MYO7A: variants seen among roughly 807,000 people sequenced by gnomAD.
MYO7A encodes the protein myosin VIIA, also known as unconventional myosin-VIIa.
A neutral mutation model predicts 263.8 loss-of-function variants in MYO7A; 210 were observed. That is an observed-to-expected ratio of 0.80 (90% CI 0.71 to 0.89). The LOEUF (loss-of-function observed/expected upper bound fraction) is 0.89. Among genes scored for constraint, MYO7A ranks in the 40% least tolerant of loss-of-function variants. The probability of loss-of-function intolerance (pLI) is 0.00; values close to 1 mark genes in which losing one functional copy is unlikely to be tolerated. For synonymous variants in MYO7A, 1,239 were observed against 1,197.3 expected (o/e 1.03, Z -0.72); for missense variants, 2,820 against 2,968.3 (o/e 0.95, Z 1.16).
intron 31 of MYO7A, among the ~76,000 whole-genome samples, chr11:77,193,058 G>C (rs1479291498): frequency 8.1e-6 from 1 of 123,514 alleles, no homozygotes; most frequent in Non-Finnish European, 1.9e-5. Flanking sequence ...GGTGGTGATG[G>C]TGTTGGTGAT....
rs897465470 is a variant in MYO7A, at chr11:77,207,459, A to T, written c.5856+57A>T. 9 of 1,235,478 alleles carry T rather than the reference A, an allele frequency of 7.3e-6. No individual in the cohort carries two copies. The African/African-American group carries it at 1.3e-4, about 18-fold the overall frequency. 76.5% of individuals were successfully genotyped at this position (1,235,478 alleles called of 1,614,324 possible). ...AGATTTGCTGGGGCCATAGGAACTTACGGACAGCAGACGGAAGAGAGAGGA... is the reference window on the plus strand; with the variant it reads ...AGATTTGCTGGGGCCATAGGAACTTTCGGACAGCAGACGGAAGAGAGAGGA... On this transcript the variant is annotated intron_variant, in intron 42 of 48. Transcript: ENST00000409709.
At chr11:77,146,969 C>G (rs2135695976) in intron 3 of MYO7A, among the ~76,000 whole-genome samples, 1 of 152,224 alleles carries the variant, frequency 6.6e-6, no homozygotes, top group African/African-American at 2.4e-5. Context: ...CACAAGGCAG[C>G]TGGGGAATAT....
rs781858149 is a variant in MYO7A at position 77,179,107 on chromosome 11, A to G, written c.2345A>G (p.Asn782Ser). The G allele has an allele frequency of 6.2e-7, 1 of 1,604,930 alleles. No individual in the cohort carries two copies. The highest frequency in any genetic ancestry group is 8.5e-7 in the Non-Finnish European group (1 of 1,176,104). The change falls in exon 20 of 49, where the codon AAC (asparagine) becomes AGC (serine). Residue 782 changes from asparagine to serine, a missense_variant. Transcript: ENST00000409709. ...TLIQRHWRGH[N>S]CRKNYGLMRL... Reference sequence around the variant, plus strand: ...ATCCAGAGGCACTGGCGGGGTCACAACTGTAGGAAGAACTACGGGCTGGTG... The same window carrying G: ...ATCCAGAGGCACTGGCGGGGTCACAGCTGTAGGAAGAACTACGGGCTGGTG...
chr11:77,205,433 C>T (rs911977908), intron 39 of MYO7A, 29 bp from the exon 40 acceptor site: 1 of 1,548,072 alleles, frequency 6.5e-7, no homozygotes. Flanking sequence ...GGCAGCTGCC[C>T]CTGCTGGAGC....
chr11:77,191,935 G>C, intron 30 of MYO7A, 116 bp from the exon 31 acceptor site: 1 of 886,850 alleles, frequency 1.1e-6, no homozygotes, highest in Non-Finnish European at 1.7e-6. Context: ...CCTTGGACGT[G>C]TCCCTGCCCC....
chr11:77,205,729 C>G (rs899011821), intron 40 of MYO7A, 112 bp downstream of exon 40: 1 of 1,405,612 alleles, frequency 7.1e-7, no homozygotes. Flanking sequence ...GGGCCCACCC[C>G]TGGGGTACCT....
chr11:77,165,861 T>C lies in MYO7A; in HGVS notation c.1691-195T>C, dbSNP rs12574736. ...ACAGGCCTGGAAGAGGGGAGCTGTGTCACTGGGGAGATGGCCCCTCACTTT... is the reference window on the plus strand; with the variant it reads ...ACAGGCCTGGAAGAGGGGAGCTGTGCCACTGGGGAGATGGCCCCTCACTTT... On this transcript the variant is annotated intron_variant, in intron 14 of 48. Coordinates refer to ENST00000409709, the MANE Select transcript of MYO7A (RefSeq NM_000260.4). Among the ~76,000 whole-genome samples, 9,157 of 152,048 alleles carry C rather than the reference T, an allele frequency of 0.06. 469 individuals are homozygous for C. The highest frequency in any genetic ancestry group is 0.27 in the East Asian group (1,394 of 5,106).
chr11:77,196,439 G>A (rs1440429398), intron 32 of MYO7A, among the ~76,000 whole-genome samples: 3 of 151,786 alleles, frequency 2.0e-5, no homozygotes, highest in Middle Eastern at 3.5e-3. Context: ...ACTTTAATAC[G>A]CAAATATGGT....
intron 18 of MYO7A, among the ~76,000 whole-genome samples, chr11:77,176,277 T>C (rs1367770364): frequency 1.3e-5 from 2 of 152,212 alleles, no homozygotes; most frequent in Non-Finnish European, 2.9e-5. Context: ...TTTCTCTCCT[T>C]GCACCTGCAT....
chr11:77,144,129 CCT>C (rs1467082862), intron 3 of MYO7A, among the ~76,000 whole-genome samples: 1 of 152,174 alleles, frequency 6.6e-6, no homozygotes, highest in Non-Finnish European at 1.5e-5. Context: ...ATGAGTTTCC[CCT>C]GTCAGCATTA....
intron 20 of MYO7A, 88 bp downstream of exon 20, chr11:77,179,217 C>T (rs1181271810): frequency 3.3e-6 from 4 of 1,225,134 alleles, no homozygotes; most frequent in Non-Finnish European, 3.5e-6. Flanking sequence ...TGCACCCAGG[C>T]AGCACAGCCT....
chr11:77,205,547 C>A lies in MYO7A; in HGVS notation c.5566C>A (p.Arg1856Ser). The change falls in exon 40 of 49, where the codon CGC becomes AGC. Residue 1856 changes from arginine (R) to serine (S), a missense_variant. Coordinates refer to ENST00000409709, the MANE Select transcript of MYO7A (RefSeq NM_000260.4). ...PSNILLPHVQ[R>S]FLQSRKHCPL... ...CAACATCCTCCTGCCCCACGTGCAG[C>A]GCTTCCTGCAGTCCCGAAAGCACTG... 1 of 1,611,454 alleles carries A rather than the reference C, an allele frequency of 6.2e-7. No homozygotes were observed. The highest frequency in any genetic ancestry group is 8.5e-7 in the Non-Finnish European group (1 of 1,179,092).
At chr11:77,151,895 G>A (rs1952001171) in intron 4 of MYO7A, among the ~76,000 whole-genome samples, 1 of 152,210 alleles carries the variant, frequency 6.6e-6, no homozygotes, top group Admixed American at 6.5e-5. Flanking sequence ...GGAAGCCCAG[G>A]TGGAGAGGCC....
chr11:77,180,663 A>C (rs1591375123), intron 22 of MYO7A, among the ~76,000 whole-genome samples, 182 bp downstream of exon 22: 1 of 152,204 alleles, frequency 6.6e-6, no homozygotes. Flanking sequence ...TGTGCCATGC[A>C]AAAGGATGAA....
In MYO7A at chr11:77,213,841, GC is replaced by G. The variant is rs756776411; in HGVS notation, c.6439-16del. 1 of 1,613,932 alleles carries G rather than the reference GC, an allele frequency of 6.2e-7. No individual in the cohort carries two copies. Among genetic ancestry groups the G allele is most frequent in the South Asian group, 1.1e-5 (1 of 91,090 alleles). ...CAGGGCCCAGGCCGTGCCTCTCTAT[GC>G]CCTTTCTGCTCCCCCAGGATATCCT... On this transcript the variant is annotated intron_variant, in intron 47 of 48. Transcript: ENST00000409709.
At chr11:77,165,832 T>A (rs1953487592) in intron 14 of MYO7A, among the ~76,000 whole-genome samples, 2 of 152,144 alleles carry the variant, frequency 1.3e-5, no homozygotes, top group Non-Finnish European at 2.9e-5. Flanking sequence ...CCTGCCCTTC[T>A]TGAACAGGCC....
At chr11:77,186,015 C>T (rs1171597545) in intron 27 of MYO7A, among the ~76,000 whole-genome samples, 2 of 151,672 alleles carry the variant, frequency 1.3e-5, no homozygotes, top group African/African-American at 2.4e-5. Context: ...CTCTGCCTCC[C>T]GGGTTCAAGC....
At position 77,132,602 on chromosome 11, in the gene MYO7A, C is replaced by T. The variant is rs144936561; in HGVS notation, c.18+1950C>T. Among the ~76,000 whole-genome samples, 1,213 of 152,238 alleles carry T rather than the reference C, an allele frequency of 8.0e-3. 15 individuals carry two copies. The highest frequency in any genetic ancestry group is 0.028 in the African/African-American group (1,159 of 41,528). On this transcript the variant is annotated intron_variant, in intron 2 of 48. Transcript: ENST00000409709. The stretch of plus-strand genomic sequence containing the variant: ...CTCCCTGGTTCAAGCAATTCTCCTG[C>T]CTCAGCCTCCTGAGTAGCTGGGATT...
chr11:77,195,984 C>T (rs1026156898), intron 32 of MYO7A, among the ~76,000 whole-genome samples: 2 of 152,232 alleles, frequency 1.3e-5, no homozygotes, highest in Admixed American at 6.5e-5. Flanking sequence ...TGCACATGCA[C>T]GTCTGAGTCC....
Sources: gnomAD v4.1 joint callset for allele counts (sites outside exome capture counted in the v4.1 genomes callset) on GRCh38, gnomAD v4.1.1 for gene constraint, MANE v1.5 for transcripts, NCBI Gene and HGNC (gene_info 2026-07-23, HGNC 2026-07-21) for gene names.